Variants in PPP1R3A observed in about 807,000 individuals in gnomAD.
The protein encoded by PPP1R3A is protein phosphatase 1 regulatory subunit 3A, also known as RG1.
PPP1R3A carries 29 observed loss-of-function variants against 41.7 expected under a neutral mutation model. That is an observed-to-expected ratio of 0.70 (90% confidence interval 0.52 to 0.95). PPP1R3A has a LOEUF of 0.95. Ranked by LOEUF, PPP1R3A falls within the 40% of genes least tolerant of loss-of-function variation. The pLI, the probability that PPP1R3A is intolerant of heterozygous loss-of-function variation, is 0.00. For missense variants in PPP1R3A, 1,352 were observed against 1,292.4 expected, an observed-to-expected ratio of 1.05 and a Z score of -0.71; for synonymous variants, 485 against 453.4, an observed-to-expected ratio of 1.07 and a Z score of -0.89.
chr7:113,906,978 C>T (rs932201728), intron 1 of PPP1R3A, among the ~76,000 whole-genome samples: 23 of 151,772 alleles, frequency 1.5e-4, no homozygotes, highest in African/African-American at 4.6e-4. Context: ...AAATCAAACT[C>T]GTTCCTGTGG....
At chr7:113,915,543 A>C (rs1797324540) in intron 1 of PPP1R3A, among the ~76,000 whole-genome samples, 1 of 149,174 alleles carries the variant, frequency 6.7e-6, no homozygotes, top group Non-Finnish European at 1.5e-5. Context: ...ATATGTATGT[A>C]TATGTATATA....
rs914884044 is a variant in PPP1R3A at position 113,908,332 on chromosome 7, G to A, written c.782+9883C>T. 6.6e-5 allele frequency among the ~76,000 whole-genome samples: 10 copies of A among 151,846 alleles called. No individual in the cohort carries two copies. The East Asian group carries it at 1.2e-3, about 18-fold the overall frequency. On this transcript the variant is annotated intron_variant, in intron 1 of 3. Coordinates refer to ENST00000284601, the MANE Select transcript of PPP1R3A (RefSeq NM_002711.4). ...CAGGTTAAGTGAAAAGCTCGTGTGT[G>A]CACACACGTGTGTGTGTGTGTATTT...
Position 113,918,234 on chromosome 7 carries a change from AGCCTTTTATTTGTCT to A in PPP1R3A, c.748_762del (p.Arg250_Gly254del). On this transcript the variant is annotated inframe_deletion, in exon 1 of 4. Transcript: ENST00000284601. ...CCTCACCTTGATTTTACCTTTAAGC[AGCCTTTTATTTGTCT>A]GTTAGGAACTTCTTTCCATGGTTTT... 1 of 1,601,406 alleles carries A rather than the reference AGCCTTTTATTTGTCT, an allele frequency of 6.2e-7. No individual in the cohort carries two copies. The highest frequency in any genetic ancestry group is 1.1e-5 in the South Asian group (1 of 88,874).
In PPP1R3A at chr7:113,879,008, A is replaced by C. The variant is rs1796629179; in HGVS notation, c.2084T>G (p.Leu695Trp). ...AAACAATTCTTCTGTAGTAGCTTTC[A>C]AACTCCTCGTATTATCTCTTTTTCC... Reference protein sequence around the residue: ...VWGKRDNTRSLKATTEELFTC... With the variant: ...VWGKRDNTRSWKATTEELFTC... The change falls in exon 4 of 4, where the codon TTG becomes TGG. Residue 695 changes from leucine to tryptophan, a missense_variant. Coordinates refer to ENST00000284601, the MANE Select transcript of PPP1R3A (RefSeq NM_002711.4). 3 of 1,613,484 alleles carry C rather than the reference A, an allele frequency of 1.9e-6. No individual in the cohort carries two copies. The highest frequency in any genetic ancestry group is 2.5e-6 in the Non-Finnish European group (3 of 1,179,782).
intron 1 of PPP1R3A, among the ~76,000 whole-genome samples, chr7:113,916,659 A>G (rs1296915613): frequency 6.6e-6 from 1 of 152,118 alleles, no homozygotes; most frequent in African/African-American, 2.4e-5. Flanking sequence ...TCTAACATAT[A>G]GAGCAAGTTG....
chr7:113,882,020 T>C lies in PPP1R3A; in HGVS notation c.966+19A>G, dbSNP rs1489056410. ...AATGGATTCATCTTCTCTAATACCG[T>C]GGCAACCAGAACACTTACCATCAAC... On this transcript the variant is annotated intron_variant, in intron 3 of 3. Transcript: ENST00000284601. 6.2e-7 allele frequency: 1 copy of C among 1,611,604 alleles called. No individual in the cohort carries two copies. The highest frequency in any genetic ancestry group is 1.3e-5 in the African/African-American group (1 of 74,810).
chr7:113,902,049 CTTTGTTTTCTT>C (rs1797070375), intron 1 of PPP1R3A, among the ~76,000 whole-genome samples: 1 of 151,790 alleles, frequency 6.6e-6, no homozygotes, highest in Admixed American at 6.6e-5. Context: ...TTTTAATGAT[CTTTGTTTTCTT>C]CCTTATCTTT....
chr7:113,881,239 A>T (rs1378131012), intron 3 of PPP1R3A, among the ~76,000 whole-genome samples: 1 of 152,004 alleles, frequency 6.6e-6, no homozygotes, highest in Non-Finnish European at 1.5e-5. Flanking sequence ...GAAATAGATG[A>T]GCTCTATTTC....
chr7:113,881,070 T>C (rs1364966297), intron 3 of PPP1R3A, among the ~76,000 whole-genome samples: 1 of 152,036 alleles, frequency 6.6e-6, no homozygotes, highest in Non-Finnish European at 1.5e-5. Flanking sequence ...CCTTTCATTA[T>C]ATTCTGTGGT....
chr7:113,907,180 C>T (rs1351109777), intron 1 of PPP1R3A, among the ~76,000 whole-genome samples: 2 of 151,544 alleles, frequency 1.3e-5, no homozygotes, highest in Non-Finnish European at 3.0e-5. Flanking sequence ...ATTGTTAAAC[C>T]CCATAATGTA....
Position 113,878,942 on chromosome 7 carries a change from G to A in PPP1R3A, c.2150C>T (p.Ala717Val). The change falls in exon 4 of 4, where the codon GCT (alanine) becomes GTT (valine). Residue 717 changes from alanine (A) to valine (V), a missense_variant. Physicochemically the swap from Ala to Val is moderately conservative, Grantham distance 64. Coordinates refer to ENST00000284601, the MANE Select transcript of PPP1R3A (RefSeq NM_002711.4). ...TGCTTTCTCAGTAATGCCATGATCAGCTAGAGAAGACAGTTCACAGCACAC... is the reference window on the plus strand; with the variant it reads ...TGCTTTCTCAGTAATGCCATGATCAACTAGAGAAGACAGTTCACAGCACAC... The part of the protein sequence containing the change: ...ETVCCELSSL[A>V]DHGITEKAEA... 1 of 1,613,144 alleles carries A rather than the reference G, an allele frequency of 6.2e-7. No individual in the cohort carries two copies. Among genetic ancestry groups the A allele is most frequent in the Non-Finnish European group, 8.5e-7 (1 of 1,179,756 alleles).
At chr7:113,881,429 C>T (rs796925118) in intron 3 of PPP1R3A, among the ~76,000 whole-genome samples, 2 of 151,988 alleles carry the variant, frequency 1.3e-5, no homozygotes, top group African/African-American at 4.8e-5. Flanking sequence ...AAACCATCCC[C>T]CCAAAAAATT....
chr7:113,897,860 A>T (rs1232979943), intron 1 of PPP1R3A, among the ~76,000 whole-genome samples: 1 of 151,818 alleles, frequency 6.6e-6, no homozygotes, highest in Non-Finnish European at 1.5e-5. Flanking sequence ...AGAACCTGAT[A>T]AAAGGGGAAA....
chr7:113,884,070 A>C (rs1321748294), intron 1 of PPP1R3A, among the ~76,000 whole-genome samples: 1 of 151,962 alleles, frequency 6.6e-6, no homozygotes, highest in African/African-American at 2.4e-5. Context: ...AATATCTATA[A>C]ACAAAAACAG....
chr7:113,878,567 A>G lies in PPP1R3A; in HGVS notation c.2525T>C (p.Ile842Thr), dbSNP rs1366297728. Reference sequence around the variant, plus strand: ...CCATGAGGATTCTTCCACAGATGTTATATTTCCAGTGCCACATTTCTCCCT... The same window carrying G: ...CCATGAGGATTCTTCCACAGATGTTGTATTTCCAGTGCCACATTTCTCCCT... The part of the protein sequence containing the change: ...HDREKCGTGN[I>T]TSVEESSWVI... The change falls in exon 4 of 4, where the codon ATA (isoleucine) becomes ACA (threonine). Residue 842 changes from isoleucine (I) to threonine (T), a missense_variant. Ile to Thr is a moderately conservative substitution (Grantham distance 89). Transcript: ENST00000284601. The G allele has an allele frequency of 3.1e-6, 5 of 1,613,516 alleles. No homozygotes were observed. The highest frequency in any genetic ancestry group is 2.7e-5 in the African/African-American group (2 of 74,870).
At chr7:113,885,080 C>G (rs1796760175) in intron 1 of PPP1R3A, among the ~76,000 whole-genome samples, 1 of 152,156 alleles carries the variant, frequency 6.6e-6, no homozygotes, top group Admixed American at 6.6e-5. Context: ...TTGGACACAA[C>G]GTTTTGCTCT....
chr7:113,890,064 G>A (rs569389110), intron 1 of PPP1R3A, among the ~76,000 whole-genome samples: 1 of 145,618 alleles, frequency 6.9e-6, no homozygotes, highest in African/African-American at 2.4e-5. Flanking sequence ...GGCATTATAT[G>A]CAAAAACTTT....
chr7:113,918,261 C>T lies in PPP1R3A; in HGVS notation c.736G>A (p.Glu246Lys), dbSNP rs200332428. The T allele has an allele frequency of 1.2e-5, 20 of 1,607,570 alleles. No homozygotes were observed. The Middle Eastern group carries it at 1.2e-3, about 94-fold the overall frequency. ...CCTTTTATTTGTCTGTTAGGAACTT[C>T]TTTCCATGGTTTTACAGGCTCCGGC... ...QEPEPVKPWK[E>K]VPNRQIKGCL... The change falls in exon 1 of 4, where the codon GAA (glutamate) becomes AAA (lysine). Residue 246 changes from glutamate (E) to lysine (K), a missense_variant. Physicochemically the swap from Glu to Lys is moderately conservative, Grantham distance 56. Transcript: ENST00000284601.
chr7:113,885,455 C>T (rs553167599), intron 1 of PPP1R3A, among the ~76,000 whole-genome samples: 1 of 152,206 alleles, frequency 6.6e-6, no homozygotes, highest in African/African-American at 2.4e-5. Context: ...TAAATGATGA[C>T]CACTACTTCC....
Sources: allele counts gnomAD v4.1 joint callset (sites outside exome capture counted in the v4.1 genomes callset), GRCh38; gene constraint gnomAD v4.1.1; transcripts MANE v1.5; gene names NCBI Gene and HGNC (gene_info 2026-07-23, HGNC 2026-07-21).